The following NVL variants were observed in gnomAD, a reference collection of about 807,000 sequenced individuals.
NVL encodes the protein nuclear valosin-containing protein-like.
Under a neutral mutation model 110.2 loss-of-function variants are expected in NVL, and 84 were observed. The observed-to-expected ratio is 0.76, with a 90% CI of 0.64 to 0.91. NVL has a LOEUF of 0.91. NVL is among the 40% of genes least tolerant of loss of function. The pLI is 0.00. For missense variants in NVL, 882 were observed against 1,035.9 expected (o/e 0.85, Z 2.04); for synonymous variants, 354 against 361.1 (o/e 0.98, Z 0.22).
At chr1:224,256,155 T>C (rs1256585387) in intron 18 of NVL, among the ~76,000 whole-genome samples, 1 of 152,164 alleles carries the variant, frequency 6.6e-6, no homozygotes, top group African/African-American at 2.4e-5. Context: ...CCAGGCATGG[T>C]GGCTCATGCC....
chr1:224,318,023 A>G, intron 2 of NVL, 93 bp from the exon 3 acceptor site: 2 of 807,524 alleles, frequency 2.5e-6, no homozygotes, highest in Non-Finnish European at 3.9e-6. Context: ...ATTTTCATGA[A>G]TATTTCATTG....
Position 224,233,270 on chromosome 1 carries a change from A to G in NVL, c.2386T>C (p.Leu796=). 6.2e-7 allele frequency: 1 copy of G among 1,611,978 alleles called. No homozygotes were observed. Among genetic ancestry groups the G allele is most frequent in the Non-Finnish European group, 8.5e-7 (1 of 1,179,244 alleles). The change falls in exon 21 of 23, where the codon TTG becomes CTG. Residue 796 remains leucine, a synonymous_variant. Transcript: ENST00000281701. The part of the protein sequence containing the change: ...DCYTGADLSA[L]VREASICALR... ...GCACAGATAGAAGCTTCTCGTACCA[A>G]AGCAGAGAGATCTGCGCCCCTACAA...
At chr1:224,317,829 ATC>A in intron 3 of NVL, 36 bp from the exon 4 acceptor site, 1 of 1,555,560 alleles carries the variant, frequency 6.4e-7, no homozygotes, top group Non-Finnish European at 8.8e-7. Flanking sequence ...AGCTAAAACA[ATC>A]GTTTGTATAA....
chr1:224,260,116 T>C (rs1663798758), intron 18 of NVL, among the ~76,000 whole-genome samples: 2 of 152,212 alleles, frequency 1.3e-5, no homozygotes, highest in African/African-American at 4.8e-5. Flanking sequence ...AAGTCATTGT[T>C]CAATTACCTT....
intron 17 of NVL, among the ~76,000 whole-genome samples, chr1:224,274,041 C>CACACACACACACACAA (rs1270915883): frequency 2.0e-5 from 3 of 150,268 alleles, no homozygotes; most frequent in Non-Finnish European, 3.0e-5. Flanking sequence ...TAACAACACA[C>CACACACACACACACAA]ACACACACAC....
intron 19 of NVL, among the ~76,000 whole-genome samples, chr1:224,243,343 C>T (rs1172767887): frequency 9.2e-5 from 14 of 151,666 alleles, no homozygotes. Flanking sequence ...TTCCTGTAGT[C>T]CCAGCTACTC....
rs984861442 is a variant in NVL at position 224,244,165 on chromosome 1, C to T, written c.2289+6047G>A. On this transcript the variant is annotated intron_variant, in intron 19 of 22. Coordinates refer to ENST00000281701, the MANE Select transcript of NVL (RefSeq NM_002533.4). ...GGCGGATCACATGAGGTCGGGAGTT[C>T]GAGACCAGCCTGGCCAACATGGAAA... is the stretch of plus-strand genomic sequence containing the variant. Among the ~76,000 whole-genome samples, 7 of 151,190 alleles carry T rather than the reference C, an allele frequency of 4.6e-5. 1 individual carries two copies. Among genetic ancestry groups the T allele is most frequent in the African/African-American group, 1.2e-4 (5 of 41,296 alleles).
chr1:224,271,540 T>C (rs1482095580), intron 17 of NVL, among the ~76,000 whole-genome samples: 1 of 151,920 alleles, frequency 6.6e-6, no homozygotes, highest in Non-Finnish European at 1.5e-5. Flanking sequence ...ATAAATTTTT[T>C]TATGTTTCTG....
At chr1:224,265,208 G>T (rs1298544114) in intron 18 of NVL, among the ~76,000 whole-genome samples, 4 of 151,388 alleles carry the variant, frequency 2.6e-5, no homozygotes, top group Admixed American at 2.0e-4. Flanking sequence ...CTTAACACAG[G>T]TTTTAAAATA....
rs796791561 is a variant in NVL, at chr1:224,295,197, C to CTT, written c.1181-788_1181-787dup. Among the ~76,000 whole-genome samples the CTT allele has an allele frequency of 6.2e-5, 9 of 144,498 alleles. No homozygotes were observed. In the East Asian group the frequency reaches 1.4e-3, roughly 22 times the overall value. The allele number at this position is 144,498 out of a possible 152,430, so 94.8% of individuals were successfully genotyped here. ...TCATGAGGAGTTTATACAGTGTGTT[C>CTT]TTTTTTTTTTTTTGAGACGGAGTCT... On this transcript the variant is annotated intron_variant, in intron 11 of 22. Coordinates refer to ENST00000281701, the MANE Select transcript of NVL (RefSeq NM_002533.4).
intron 6 of NVL, among the ~76,000 whole-genome samples, chr1:224,306,512 C>T (rs925346571): frequency 6.6e-6 from 1 of 152,058 alleles, no homozygotes; most frequent in Non-Finnish European, 1.5e-5. Context: ...ATGATCTGCC[C>T]GCCTTGGTCT....
chr1:224,230,264 A>T (rs907081246), intron 22 of NVL, among the ~76,000 whole-genome samples: 3 of 152,230 alleles, frequency 2.0e-5, no homozygotes, highest in Non-Finnish European at 4.4e-5. Flanking sequence ...CCATTTATCA[A>T]AAAGCGTAGA....
Position 224,231,299 on chromosome 1 carries a change from A to G in NVL, c.2456-3T>C. 1.2e-6 allele frequency: 2 copies of G among 1,609,274 alleles called. No individual in the cohort carries two copies. The highest frequency in any genetic ancestry group is 1.7e-6 in the Non-Finnish European group (2 of 1,177,002). On this transcript the variant is annotated splice_region_variant and splice_polypyrimidine_tract_variant and intron_variant, in intron 21 of 22. Coordinates refer to ENST00000281701, the MANE Select transcript of NVL (RefSeq NM_002533.4). Reference sequence around the variant, plus strand: ...CTTATGACTAACCTTGAGTTCACCTATGGAGTAAATGCACAAATATACACA... The same window carrying G: ...CTTATGACTAACCTTGAGTTCACCTGTGGAGTAAATGCACAAATATACACA...
chr1:224,261,822 G>A (rs1278896201), intron 18 of NVL, among the ~76,000 whole-genome samples: 2 of 151,582 alleles, frequency 1.3e-5, no homozygotes, highest in African/African-American at 2.4e-5. Flanking sequence ...TTAGCTGGGT[G>A]TAGTGGTGCG....
chr1:224,300,729 G>T, intron 9 of NVL, 66 bp from the exon 10 acceptor site: 2 of 1,242,760 alleles, frequency 1.6e-6, no homozygotes, highest in South Asian at 1.4e-5. Flanking sequence ...TTCTTATCCA[G>T]TCCCCTCAAA....
At chr1:224,326,854 C>A (rs987556978) in intron 1 of NVL, among the ~76,000 whole-genome samples, 13 of 152,116 alleles carry the variant, frequency 8.5e-5, no homozygotes, top group African/African-American at 3.1e-4. Flanking sequence ...TAGCTTGAGG[C>A]AATTTAGTTT....
intron 16 of NVL, among the ~76,000 whole-genome samples, chr1:224,277,397 A>G (rs959496844): frequency 1.7e-4 from 26 of 152,214 alleles, no homozygotes; most frequent in African/African-American, 5.8e-4. Flanking sequence ...TACTATTGTA[A>G]AAGAAGGCAT....
intron 16 of NVL, among the ~76,000 whole-genome samples, chr1:224,278,011 T>G (rs1665940115): frequency 6.6e-6 from 1 of 152,148 alleles, no homozygotes; most frequent in Non-Finnish European, 1.5e-5. Context: ...GTAACTGTTC[T>G]TTTACTTAAC....
chr1:224,235,612 C>T (rs1033543522), intron 20 of NVL, among the ~76,000 whole-genome samples: 4 of 151,830 alleles, frequency 2.6e-5, no homozygotes, highest in African/African-American at 9.7e-5. Context: ...CTGAGAATCA[C>T]TGCTACATTG....
Sources: gnomAD v4.1 joint callset for allele counts (sites outside exome capture counted in the v4.1 genomes callset) on GRCh38, gnomAD v4.1.1 for gene constraint, MANE v1.5 for transcripts, NCBI Gene and HGNC (gene_info 2026-07-23, HGNC 2026-07-21) for gene names.